The following TAS2R31 variants were observed in gnomAD, a reference collection of about 807,000 sequenced individuals.
TAS2R31 encodes taste receptor type 2 member 31.
For synonymous variants in TAS2R31, 118 were observed against 131.4 expected, an observed-to-expected ratio of 0.90 and a Z score of 0.70; for missense variants, 352 against 347.4, an observed-to-expected ratio of 1.01 and a Z score of -0.10.
rs1283986544 is a variant in TAS2R31, at chr12:11,030,806, G to A, written c.530C>T (p.Ala177Val). The A allele has an allele frequency of 5.6e-6, 9 of 1,614,004 alleles. No homozygotes were observed. Among genetic ancestry groups the A allele is most frequent in the African/African-American group, 4.0e-5 (3 of 74,906 alleles). ...TAAGTTTCCTAGCGTGGTTACAGTC[G>A]CATCTGAAAGGTACACTGCACTCCT... ...KLRSAVYLSD[A>V]TVTTLGNLVP... The change falls in exon 1 of 1, where the codon GCG becomes GTG. Residue 177 changes from alanine (A) to valine (V), a missense_variant. Coordinates refer to ENST00000390675, the MANE Select transcript of TAS2R31 (RefSeq NM_176885.2).
In TAS2R31 at chr12:11,030,897, T is replaced by A. The variant is rs199736450; in HGVS notation, c.439A>T (p.Ile147Leu). 2.0e-6 allele frequency: 3 copies of A among 1,465,698 alleles called. No homozygotes were observed. Among genetic ancestry groups the A allele is most frequent in the Non-Finnish European group, 2.8e-6 (3 of 1,086,278 alleles). 90.8% of individuals were successfully genotyped at this position (1,465,698 alleles called of 1,614,324 possible). A position where few individuals can be genotyped will look rare whatever the true frequency, so the allele number is the denominator to read the frequency against. Residue 147 changes from isoleucine to leucine, a missense_variant, in exon 1 of 1, where the codon ATA becomes TTA. Transcript: ENST00000390675. ...LLFLACQLFV[I>L]NMKEIVRTKE... ...GTCCGTACAATCTCTTTCATGTTTATCACAAAAAGTTGACAAGCCAAAAAT... is the reference window on the plus strand; with the variant it reads ...GTCCGTACAATCTCTTTCATGTTTAACACAAAAAGTTGACAAGCCAAAAAT...
In TAS2R31 at chr12:11,031,263, C is replaced by T. The variant is rs1442611945; in HGVS notation, c.73G>A (p.Gly25Ser). 7.4e-6 allele frequency: 12 copies of T among 1,613,848 alleles called. No homozygotes were observed. The highest frequency in any genetic ancestry group is 9.3e-6 in the Non-Finnish European group (11 of 1,179,924). ...ATGGAATTTACCAATGCTATGAAGC[C>T]ATTAGCAAAATTTCCAATAACAAAT... ...VLFVIGNFAN[G>S]FIALVNSIER... Residue 25 changes from glycine (G) to serine (S), a missense_variant, in exon 1 of 1, where the codon GGC becomes AGC. Physicochemically the swap from Gly to Ser is moderately conservative, Grantham distance 56. Coordinates refer to ENST00000390675, the MANE Select transcript of TAS2R31 (RefSeq NM_176885.2).
chr12:11,030,537 T>C lies in TAS2R31; in HGVS notation c.799A>G (p.Ile267Val), dbSNP rs368983562. 9.8e-5 allele frequency: 158 copies of C among 1,614,094 alleles called. No individual in the cohort carries two copies. The highest frequency in any genetic ancestry group is 1.3e-4 in the Non-Finnish European group (152 of 1,180,008). ...TGGATTGAAGGATAGCTGAATCTAA[T>C]AGCTTTGCAGAACATGAAGACAGGT... ...NKPVFMFCKA[I>V]RFSYPSIHPF... Residue 267 changes from isoleucine (I) to valine (V), a missense_variant, in exon 1 of 1, where the codon ATT becomes GTT. By Grantham distance (29) the Ile-to-Val change is conservative. Transcript: ENST00000390675.
Position 11,030,408 on chromosome 12 carries a change from A to G in TAS2R31, c.928T>C (p.Ter310GlnextTer?). ...CACACAATGCCCCTCTCATGAATCT[A>G]TGGAGATGAAGGCTTCTCTCCTTTC... ...WVKGEKPSSP[*>Q] Residue 310 changes from the stop codon to glutamine (Q), a stop_lost, in exon 1 of 1, where the codon TAG (stop) becomes CAG (glutamine). Transcript: ENST00000390675. 6.2e-7 allele frequency: 1 copy of G among 1,613,246 alleles called. No individual in the cohort carries two copies. Among genetic ancestry groups the G allele is most frequent in the Non-Finnish European group, 8.5e-7 (1 of 1,179,558 alleles).
rs548735622 is a variant in TAS2R31, at chr12:11,030,527, C to T, written c.809G>A (p.Ser270Asn). The T allele has an allele frequency of 4.8e-5, 78 of 1,614,222 alleles. No individual in the cohort carries two copies. In the South Asian group the frequency reaches 5.5e-4, roughly 11 times the overall value. Residue 270 changes from serine (S) to asparagine (N), a missense_variant, in exon 1 of 1, where the codon AGC becomes AAC. Transcript: ENST00000390675. ...GATGAATGGGTGGATTGAAGGATAGCTGAATCTAATAGCTTTGCAGAACAT... is the reference window on the plus strand; with the variant it reads ...GATGAATGGGTGGATTGAAGGATAGTTGAATCTAATAGCTTTGCAGAACAT... ...VFMFCKAIRF[S>N]YPSIHPFILI...
rs773013351 is a variant in TAS2R31 at position 11,030,757 on chromosome 12, T to C, written c.579A>G (p.Leu193=). The part of the protein sequence containing the change: ...GNLVPFTLTL[L]CFLLLICSLC... ...GAGAACAGATTAACAGCAAAAAACATAGCAGGGTCAGAGTGAAGGGCACTA... is the reference window on the plus strand; with the variant it reads ...GAGAACAGATTAACAGCAAAAAACACAGCAGGGTCAGAGTGAAGGGCACTA... Residue 193 remains leucine, a synonymous_variant, in exon 1 of 1, where the codon CTA becomes CTG. Transcript: ENST00000390675. The C allele has an allele frequency of 3.8e-5, 62 of 1,614,038 alleles. No individual in the cohort carries two copies. Among genetic ancestry groups the C allele is most frequent in the East Asian group, 1.1e-4 (5 of 44,898 alleles).
chr12:11,031,407 G>A lies in TAS2R31; in HGVS notation c.-72C>T, dbSNP rs951672712. 8 of 1,545,012 alleles carry A rather than the reference G, an allele frequency of 5.2e-6. No individual in the cohort carries two copies. Among genetic ancestry groups the A allele is most frequent in the East Asian group, 4.6e-5 (2 of 43,892 alleles). The stretch of plus-strand genomic sequence containing the variant: ...GGAGTTGGTTCCTGCAGGTGGGTTC[G>A]TGGTCTCCCTGACTTCAAAAATGGA... On this transcript the variant is annotated 5_prime_UTR_variant, in exon 1 of 1. Transcript: ENST00000390675.
In TAS2R31 at chr12:11,030,969, T is replaced by C; in HGVS notation, c.367A>G (p.Arg123Gly). 1.9e-5 allele frequency: 30 copies of C among 1,614,284 alleles called. No individual in the cohort carries two copies. Among genetic ancestry groups the C allele is most frequent in the Non-Finnish European group, 2.5e-5 (29 of 1,180,046 alleles). Reference sequence around the variant, plus strand: ...ACCAGAATGACACTCTTAACTCTCCTCTTTAAGTGAAGAAAAATAAGGTTG... The same window carrying C: ...ACCAGAATGACACTCTTAACTCTCCCCTTTAAGTGAAGAAAAATAAGGTTG... ...FSNLIFLHLK[R>G]RVKSVILVML... is the part of the protein sequence containing the mutation. Residue 123 changes from arginine to glycine, a missense_variant, in exon 1 of 1, where the codon AGG (arginine) becomes GGG (glycine). Transcript: ENST00000390675.
rs1942200670 is a variant in TAS2R31 at position 11,031,278 on chromosome 12, C to T, written c.58G>A (p.Gly20Arg). ...SSVVVVLFVIGNFANGFIALV... is the reference protein window; with the variant it reads ...SSVVVVLFVIRNFANGFIALV... Reference sequence around the variant, plus strand: ...GCTATGAAGCCATTAGCAAAATTTCCAATAACAAATAGAACCACTACCACA... The same window carrying T: ...GCTATGAAGCCATTAGCAAAATTTCTAATAACAAATAGAACCACTACCACA... The change falls in exon 1 of 1, where the codon GGA becomes AGA. Residue 20 changes from glycine (G) to arginine (R), a missense_variant. By Grantham distance (125) the Gly-to-Arg change is moderately radical (BLOSUM62 -2). Coordinates refer to ENST00000390675, the MANE Select transcript of TAS2R31 (RefSeq NM_176885.2). The T allele has an allele frequency of 6.2e-7, 1 of 1,613,686 alleles. No individual in the cohort carries two copies. The highest frequency in any genetic ancestry group is 1.3e-5 in the African/African-American group (1 of 74,810).
chr12:11,031,168 A>G lies in TAS2R31; in HGVS notation c.168T>C (p.Val56=), dbSNP rs1942192305. Residue 56 remains valine (V), a synonymous_variant, in exon 1 of 1, where the codon GTT becomes GTC. Coordinates refer to ENST00000390675, the MANE Select transcript of TAS2R31 (RefSeq NM_176885.2). ...TTAATAATAATACCCAGAGCAAACCAACTCTGGAGACCGCCAGAGCAGTGA... is the reference window on the plus strand; with the variant it reads ...TTAATAATAATACCCAGAGCAAACCGACTCTGGAGACCGCCAGAGCAGTGA... ...QILTALAVSR[V]GLLWVLLLNW... is the part of the protein sequence containing the mutation. 6.2e-7 allele frequency: 1 copy of G among 1,614,104 alleles called. No homozygotes were observed. The highest frequency in any genetic ancestry group is 1.7e-5 in the Admixed American group (1 of 60,006).
In TAS2R31 at chr12:11,030,519, A is replaced by G. The variant is rs1942143183; in HGVS notation, c.817T>C (p.Ser273Pro). 1 of 1,614,130 alleles carries G rather than the reference A, an allele frequency of 6.2e-7. No individual in the cohort carries two copies. Among genetic ancestry groups the G allele is most frequent in the Non-Finnish European group, 8.5e-7 (1 of 1,180,036 alleles). Residue 273 changes from serine (S) to proline (P), a missense_variant, in exon 1 of 1, where the codon TCA becomes CCA. Transcript: ENST00000390675. ...FCKAIRFSYP[S>P]IHPFILIWGN... ...CAAATCAGGATGAATGGGTGGATTG[A>G]AGGATAGCTGAATCTAATAGCTTTG...
rs780710545 is a variant in TAS2R31, at chr12:11,031,302, C to A, written c.34G>T (p.Val12Leu). ...CCAATAACAAATAGAACCACTACCA[C>A]ACTGGAAAAAATGATGGGTATAAAA... ...TTFIPIIFSSVVVVLFVIGNF... is the reference protein window; with the variant it reads ...TTFIPIIFSSLVVVLFVIGNF... Residue 12 changes from valine (V) to leucine (L), a missense_variant, in exon 1 of 1, where the codon GTG becomes TTG. Val to Leu is a conservative substitution (Grantham distance 32, BLOSUM62 1). Transcript: ENST00000390675. 18 of 1,608,756 alleles carry A rather than the reference C, an allele frequency of 1.1e-5. No homozygotes were observed. In the South Asian group the frequency reaches 2.0e-4, roughly 18 times the overall value.
In TAS2R31 at chr12:11,030,631, G is replaced by C; in HGVS notation, c.705C>G (p.Leu235=). The C allele has an allele frequency of 6.2e-7, 1 of 1,614,188 alleles. No homozygotes were observed. The highest frequency in any genetic ancestry group is 1.1e-5 in the South Asian group (1 of 91,076). The change falls in exon 1 of 1, where the codon CTC becomes CTG. Residue 235 remains leucine (L), a synonymous_variant. Coordinates refer to ENST00000390675, the MANE Select transcript of TAS2R31 (RefSeq NM_176885.2). ...ACAGAAAGTAAACGGCACATAACAA[G>C]AGGAAAAAGATCACAGTTTGCAAAG... The part of the protein sequence containing the change: ...IKALQTVIFF[L]LLCAVYFLSI...
chr12:11,030,714 T>A, the TAS2R31 span: 1 of 1,614,216 alleles, frequency 6.2e-7, no homozygotes, highest in South Asian at 1.1e-5. Flanking sequence ...AGCTGCATCT[T>A]CTTGAGATGT....
Position 11,030,592 on chromosome 12 carries a change from T to C in TAS2R31, c.744A>G (p.Ser248=), listed in dbSNP as rs116737741. 223,489 of 1,614,136 alleles carry C rather than the reference T, an allele frequency of 0.14. 16,492 individuals carry two copies. Among genetic ancestry groups the C allele is most frequent in the Non-Finnish European group, 0.15 (180,077 of 1,180,000 alleles). ...TTTCCAGACTCCCAAAACTCCAAAC[T>C]GATATCATTATGGACAGAAAGTAAA... ...CAVYFLSIMI[S]VWSFGSLENK... The change falls in exon 1 of 1, where the codon TCA becomes TCG. Residue 248 remains serine, a synonymous_variant. Transcript: ENST00000390675.
Position 11,031,014 on chromosome 12 carries a change from G to A in TAS2R31, c.322C>T (p.Leu108Phe). Residue 108 changes from leucine to phenylalanine, a missense_variant, in exon 1 of 1, where the codon CTC (leucine) becomes TTC (phenylalanine). Coordinates refer to ENST00000390675, the MANE Select transcript of TAS2R31 (RefSeq NM_176885.2). ...LATSLSIFYLLKIANFSNLIF... is the reference protein window; with the variant it reads ...LATSLSIFYLFKIANFSNLIF... The stretch of plus-strand genomic sequence containing the variant: ...AGGTTGGAGAAATTGGCAATCTTGA[G>A]CAAATAAAATATGCTGAGGCTAGTA... 1 of 1,614,304 alleles carries A rather than the reference G, an allele frequency of 6.2e-7. No homozygotes were observed.
rs1942207783 is a variant in TAS2R31 at position 11,031,371 on chromosome 12, G to A, written c.-36C>T. ...ACAAAAAAAAATTGTTTTAATGCTG[G>A]TGTTGTGTCCGGAGTTGGTTCCTGC... On this transcript the variant is annotated 5_prime_UTR_variant, in exon 1 of 1. Coordinates refer to ENST00000390675, the MANE Select transcript of TAS2R31 (RefSeq NM_176885.2). 1 of 1,600,256 alleles carries A rather than the reference G, an allele frequency of 6.2e-7. No individual in the cohort carries two copies. Among genetic ancestry groups the A allele is most frequent in the Non-Finnish European group, 8.5e-7 (1 of 1,174,046 alleles).
rs1157768823 is a variant in TAS2R31 at position 11,030,506 on chromosome 12, A to C, written c.830T>G (p.Phe277Cys). ...CTTCTTGTTTCCCCAAATCAGGATG[A>C]ATGGGTGGATTGAAGGATAGCTGAA... The part of the protein sequence containing the change: ...IRFSYPSIHP[F>C]ILIWGNKKLK... The change falls in exon 1 of 1, where the codon TTC (phenylalanine) becomes TGC (cysteine). Residue 277 changes from phenylalanine (F) to cysteine (C), a missense_variant. Coordinates refer to ENST00000390675, the MANE Select transcript of TAS2R31 (RefSeq NM_176885.2). The C allele has an allele frequency of 1.2e-6, 2 of 1,614,256 alleles. No homozygotes were observed. Among genetic ancestry groups the C allele is most frequent in the South Asian group, 1.1e-5 (1 of 91,088 alleles).
At position 11,030,774 on chromosome 12, in the gene TAS2R31, A is replaced by C. The variant is rs1356852469; in HGVS notation, c.562T>G (p.Phe188Val). The C allele has an allele frequency of 6.2e-7, 1 of 1,614,210 alleles. No homozygotes were observed. The highest frequency in any genetic ancestry group is 1.1e-5 in the South Asian group (1 of 91,084). ...TVTTLGNLVP[F>V]TLTLLCFLLL... is the part of the protein sequence containing the mutation. ...AAAAAACATAGCAGGGTCAGAGTGA[A>C]GGGCACTAAGTTTCCTAGCGTGGTT... Residue 188 changes from phenylalanine to valine, a missense_variant, in exon 1 of 1, where the codon TTC becomes GTC. Transcript: ENST00000390675.
Sources: allele counts gnomAD v4.1 joint callset, GRCh38; gene constraint gnomAD v4.1.1; transcripts MANE v1.5; gene names NCBI Gene and HGNC (gene_info 2026-07-23, HGNC 2026-07-21).